PLG: variants seen among roughly 807,000 people sequenced by gnomAD.
PLG encodes the protein plasmin.
In PLG, 41 loss-of-function variants were observed where a neutral mutation model predicts 104.4. That is an observed-to-expected ratio of 0.39 (90% CI 0.31 to 0.51). The LOEUF (loss-of-function observed/expected upper bound fraction) is 0.51. PLG is among the 20% of genes least tolerant of loss of function. The pLI is 0.76. For missense variants in PLG, 891 were observed against 1,003.6 expected, an observed-to-expected ratio of 0.89 and a Z score of 1.52; for synonymous variants, 337 against 357.1, an observed-to-expected ratio of 0.94 and a Z score of 0.63.
At chr6:160,751,971 G>T (rs865813727) in intron 17 of PLG, 144 bp from the exon 18 acceptor site, 5 of 735,678 alleles carry the variant, frequency 6.8e-6, no homozygotes, top group South Asian at 5.7e-5. Context: ...ACTCTGCAGG[G>T]TCAGAGACTC....
At chr6:160,748,350 G>GAAAGAA (rs1554252934) in intron 17 of PLG, among the ~76,000 whole-genome samples, 21 of 49,428 alleles carry the variant, frequency 4.2e-4, no homozygotes, top group African/African-American at 1.4e-3. Flanking sequence ...AGAAAAGAAA[G>GAAAGAA]AGAAAGAAAG....
chr6:160,729,011 C>T (rs751138496), intron 10 of PLG, among the ~76,000 whole-genome samples: 1 of 152,100 alleles, frequency 6.6e-6, no homozygotes, highest in Non-Finnish European at 1.5e-5. Context: ...ATATATCTGA[C>T]AAATGGTTTG....
intron 12 of PLG, among the ~76,000 whole-genome samples, chr6:160,733,183 C>T (rs1445511435): frequency 1.3e-5 from 2 of 152,216 alleles, no homozygotes; most frequent in Non-Finnish European, 2.9e-5. Context: ...TCTTATTCTA[C>T]CACAGTGTCA....
chr6:160,738,362 C>A lies in PLG; in HGVS notation c.1803-176C>A, dbSNP rs1232317588. ...GCATAGATGGGCCCTTCTCAAAAAT[C>A]CCACTCCTGGAGCACTGGCCAAAAT... On this transcript the variant is annotated intron_variant, in intron 14 of 18. Coordinates refer to ENST00000308192, the MANE Select transcript of PLG (RefSeq NM_000301.5). This position sits in a 1 kb window ranked among gnomAD's most constrained non-coding sequence, Gnocchi z 6.8. 3.2e-6 allele frequency: 2 copies of A among 629,310 alleles called. No homozygotes were observed. Among genetic ancestry groups the A allele is most frequent in the Admixed American group, 4.3e-5 (2 of 46,080 alleles). The allele number at this position is 629,310 out of a possible 1,614,324, so 39.0% of individuals were successfully genotyped here.
Position 160,734,745 on chromosome 6 carries a change from GAA to G in PLG, c.1681+675_1681+676del, listed in dbSNP as rs201754541. On this transcript the variant is annotated intron_variant, in intron 13 of 18. Transcript: ENST00000308192. The surrounding 1 kb of genome is among the most constrained non-coding windows in gnomAD (Gnocchi z 4.4). ...GAATAACAAATCCATGGGTATTTCT[GAA>G]AAAAAAAAAAAAAAAAAGAAAGGAA... 0.1 allele frequency among the ~76,000 whole-genome samples: 11,908 copies of G among 113,780 alleles called. 1,425 individuals are homozygous for G. Among genetic ancestry groups the G allele is most frequent in the African/African-American group, 0.32 (10,289 of 32,116 alleles). 74.6% of individuals were successfully genotyped at this position (113,780 alleles called of 152,430 possible). A position where few individuals can be genotyped will look rare whatever the true frequency, so the allele number is the denominator to read the frequency against.
At chr6:160,729,127 G>C (rs1351316702) in intron 10 of PLG, among the ~76,000 whole-genome samples, 1 of 149,746 alleles carries the variant, frequency 6.7e-6, no homozygotes, top group African/African-American at 2.4e-5. Context: ...ACGATGGACA[G>C]ATGGACAATA....
chr6:160,730,216 G>A (rs371780479), intron 10 of PLG, among the ~76,000 whole-genome samples: 36 of 152,318 alleles, frequency 2.4e-4, no homozygotes, highest in Admixed American at 5.2e-4. Context: ...GGACTCCTCC[G>A]TAGCTGCCCG....
In PLG at chr6:160,741,256, G is replaced by A; in HGVS notation, c.2019-55G>A. On this transcript the variant is annotated intron_variant, in intron 16 of 18. Transcript: ENST00000308192. The surrounding 1 kb of genome is among the most constrained non-coding windows in gnomAD (Gnocchi z 4.7). ...TCAAGACAGGGATGACTGGTTGTGG[G>A]TACTGCAGCTGCGAGCAGAGCAGTC... The A allele has an allele frequency of 8.3e-7, 1 of 1,199,942 alleles. No homozygotes were observed. The highest frequency in any genetic ancestry group is 1.2e-6 in the Non-Finnish European group (1 of 802,754). The allele number at this position is 1,199,942 out of a possible 1,614,324, so 74.3% of individuals were successfully genotyped here. A position where few individuals can be genotyped will look rare whatever the true frequency, so the allele number is the denominator to read the frequency against.
rs575946180 is a variant in PLG, at chr6:160,713,061, G to T, written c.483G>T (p.Gly161=). The T allele has an allele frequency of 9.0e-5, 144 of 1,608,280 alleles. 1 individual carries two copies. In the South Asian group the frequency reaches 1.5e-3, roughly 17 times the overall value. The change falls in exon 5 of 19, where the codon GGG becomes GGT. Residue 161 remains glycine (G), a synonymous_variant. Coordinates refer to ENST00000308192, the MANE Select transcript of PLG (RefSeq NM_000301.5). ...GGAATCCAGACAACGATCCGCAGGG[G>T]CCCTGGTGCTATACTACTGATCCAG... ...YCRNPDNDPQ[G]PWCYTTDPEK... is the part of the protein sequence containing the mutation.
chr6:160,731,089 A>G lies in PLG; in HGVS notation c.1295A>G (p.Asp432Gly). The change falls in exon 11 of 19, where the codon GAT becomes GGT. Residue 432 changes from aspartate (D) to glycine (G), a missense_variant. Physicochemically the swap from Asp to Gly is moderately conservative, Grantham distance 94 (BLOSUM62 -1). This residue lies in a region of PLG where 854 missense variants were observed against 932.1 expected (regional missense o/e 0.92). Coordinates refer to ENST00000308192, the MANE Select transcript of PLG (RefSeq NM_000301.5). This position sits in a 1 kb window ranked among gnomAD's most constrained non-coding sequence, Gnocchi z 5.1. ...AACTACTGCAGGAATCCAGATGCCGATAAAGGCCCCTGGTGTTTTACCACA... is the reference window on the plus strand; with the variant it reads ...AACTACTGCAGGAATCCAGATGCCGGTAAAGGCCCCTGGTGTTTTACCACA... ...TMNYCRNPDA[D>G]KGPWCFTTDP... 1 of 1,614,066 alleles carries G rather than the reference A, an allele frequency of 6.2e-7. No homozygotes were observed. The highest frequency in any genetic ancestry group is 8.5e-7 in the Non-Finnish European group (1 of 1,179,978).
rs1481809584 is a variant in PLG at position 160,734,306 on chromosome 6, A to G, written c.1681+218A>G. Among the ~76,000 whole-genome samples the G allele has an allele frequency of 6.6e-6, 1 of 152,090 alleles. No individual in the cohort carries two copies. Among genetic ancestry groups the G allele is most frequent in the East Asian group, 1.9e-4 (1 of 5,186 alleles). Reference sequence around the variant, plus strand: ...CGCCCCAGGCACACATAAATAAAATAAATGTAAAATTCCCAAAGAGCAAGC... The same window carrying G: ...CGCCCCAGGCACACATAAATAAAATGAATGTAAAATTCCCAAAGAGCAAGC... On this transcript the variant is annotated intron_variant, in intron 13 of 18. Coordinates refer to ENST00000308192, the MANE Select transcript of PLG (RefSeq NM_000301.5). This position sits in a 1 kb window ranked among gnomAD's most constrained non-coding sequence, Gnocchi z 4.4.
chr6:160,708,626 T>A (rs1380187853), intron 3 of PLG: 2 of 152,220 alleles, frequency 1.3e-5, no homozygotes, highest in Admixed American at 6.5e-5. Context: ...AGTAACAATT[T>A]AGCTCTCCAA....
chr6:160,707,048 G>T (rs1402234950), intron 2 of PLG, among the ~76,000 whole-genome samples: 1 of 152,174 alleles, frequency 6.6e-6, no homozygotes, highest in Non-Finnish European at 1.5e-5. Context: ...GGTTGAGGCA[G>T]CTAGAGAAGG....
At position 160,734,395 on chromosome 6, in the gene PLG, G is replaced by A. The variant is rs1778052891; in HGVS notation, c.1681+307G>A. 6.6e-6 allele frequency among the ~76,000 whole-genome samples: 1 copy of A among 152,190 alleles called. No homozygotes were observed. The highest frequency in any genetic ancestry group is 2.1e-4 in the South Asian group (1 of 4,830). On this transcript the variant is annotated intron_variant, in intron 13 of 18. Transcript: ENST00000308192. This position sits in a 1 kb window ranked among gnomAD's most constrained non-coding sequence, Gnocchi z 4.4. ...AATGCTGCCATGTCTAGCGTGGGAT[G>A]CATGAAAAATTTAGAGTCATTCGGA...
At chr6:160,751,698 CT>C in intron 17 of PLG, among the ~76,000 whole-genome samples, 1 of 152,102 alleles carries the variant, frequency 6.6e-6, no homozygotes, top group Non-Finnish European at 1.5e-5. Context: ...TTATACAAAA[CT>C]CATGACACAA....
At chr6:160,708,081 T>C (rs1436091779) in intron 3 of PLG, 3 of 325,260 alleles carry the variant, frequency 9.2e-6, no homozygotes, top group African/African-American at 2.2e-5. Context: ...AATAAGATTT[T>C]TAAAATATTA....
At chr6:160,721,902 C>G (rs920580173) in intron 9 of PLG, among the ~76,000 whole-genome samples, 3 of 152,176 alleles carry the variant, frequency 2.0e-5, no homozygotes, top group Non-Finnish European at 4.4e-5. Context: ...AGATTTTTGC[C>G]TCCACCACTC....
chr6:160,733,527 A>G (rs1778035576), intron 12 of PLG, among the ~76,000 whole-genome samples: 1 of 134,988 alleles, frequency 7.4e-6, no homozygotes, highest in Admixed American at 7.1e-5. Flanking sequence ...CTTTGCCAAA[A>G]TAATAATAAT....
rs1210335026 is a variant in PLG at position 160,752,301 on chromosome 6, C to T, written c.2271+41C>T. The stretch of plus-strand genomic sequence containing the variant: ...GAGACCAAAGTTAGTCTTGTGCTCT[C>T]TTGTCTCAGTCTCAGCCCCTCAGAC... On this transcript the variant is annotated intron_variant, in intron 18 of 18. Transcript: ENST00000308192. This position sits in a 1 kb window ranked among gnomAD's most constrained non-coding sequence, Gnocchi z 4.7. 2.5e-6 allele frequency: 4 copies of T among 1,592,660 alleles called. No homozygotes were observed. Among genetic ancestry groups the T allele is most frequent in the African/African-American group, 2.7e-5 (2 of 74,592 alleles).
Sources: gnomAD v4.1 joint callset for allele counts (sites outside exome capture counted in the v4.1 genomes callset) on GRCh38, gnomAD v4.1.1 for gene constraint, gnomAD v4.1.1 regional missense constraint, Gnocchi (gnomAD v3.1) non-coding constraint, MANE v1.5 for transcripts, NCBI Gene and HGNC (gene_info 2026-07-23, HGNC 2026-07-21) for gene names.